Variants in NPAS3 observed in about 807,000 individuals in gnomAD.
NPAS3 encodes neuronal PAS domain protein 3, also known as neuronal PAS domain-containing protein 3.
A neutral mutation model predicts 73.1 loss-of-function variants in NPAS3; 14 were observed. The observed-to-expected ratio is 0.19, with a 90% CI of 0.13 to 0.30. The LOEUF is 0.30. Ranked by LOEUF, NPAS3 falls within the 10% of genes least tolerant of loss-of-function variation. NPAS3 has a pLI of 1.00. For synonymous variants in NPAS3, 620 were observed against 541.5 expected (o/e 1.14, Z -2.01); for missense variants, 1,096 against 1,250.0 (o/e 0.88, Z 1.86).
At chr14:33,382,491 G>T (rs2058676273) in intron 4 of NPAS3, among the ~76,000 whole-genome samples, 1 of 152,124 alleles carries the variant, frequency 6.6e-6, no homozygotes, top group Admixed American at 6.5e-5. Context: ...ATTTTAGAAA[G>T]TATATATAAC....
intron 2 of NPAS3, among the ~76,000 whole-genome samples, chr14:33,147,590 G>GGGGGAGC (rs1455973039): frequency 6.6e-6 from 1 of 151,076 alleles, no homozygotes; most frequent in South Asian, 2.1e-4. Flanking sequence ...TTGTGGGGTC[G>GGGGGAGC]GGGGAGGGAT....
chr14:33,177,217 C>T (rs2045625228), intron 2 of NPAS3, among the ~76,000 whole-genome samples: 1 of 151,584 alleles, frequency 6.6e-6, no homozygotes, highest in Non-Finnish European at 1.5e-5. Flanking sequence ...CTGTCTCAGC[C>T]TCCCAAGTAG....
At chr14:32,995,743 T>C (rs1163733750) in intron 1 of NPAS3, among the ~76,000 whole-genome samples, 2 of 152,232 alleles carry the variant, frequency 1.3e-5, no homozygotes, top group African/African-American at 2.4e-5. Flanking sequence ...TCTATCATGA[T>C]TGTGAGGCTT....
Position 33,630,593 on chromosome 14 carries a change from G to C in NPAS3, c.559-45618G>C, listed in dbSNP as rs186773053. 1.4e-3 allele frequency among the ~76,000 whole-genome samples: 207 copies of C among 152,310 alleles called. 1 individual carries two copies. Among genetic ancestry groups the C allele is most frequent in the Non-Finnish European group, 2.5e-3 (168 of 68,016 alleles). On this transcript the variant is annotated intron_variant, in intron 5 of 11. Transcript: ENST00000356141. ...TATTGGCCAAGAGAGGAAAAAACAG[G>C]TGTTGTTATCAAACCATATCTACAA...
At chr14:33,111,609 T>TA (rs1566571422) in intron 2 of NPAS3, among the ~76,000 whole-genome samples, 1 of 151,778 alleles carries the variant, frequency 6.6e-6, no homozygotes, top group Non-Finnish European at 1.5e-5. Flanking sequence ...TTGCATCATT[T>TA]AAAAAAATAC....
At chr14:33,060,998 A>G (rs1214835823) in intron 2 of NPAS3, among the ~76,000 whole-genome samples, 1 of 152,236 alleles carries the variant, frequency 6.6e-6, no homozygotes, top group African/African-American at 2.4e-5. Context: ...CACAACCAAA[A>G]GAGGGAAGGA....
intron 1 of NPAS3, among the ~76,000 whole-genome samples, chr14:33,017,539 T>C (rs867501920): frequency 6.6e-6 from 1 of 152,182 alleles, no homozygotes; most frequent in Admixed American, 6.5e-5. Context: ...GAGATGCTGC[T>C]TTAATATGGT....
intron 5 of NPAS3, among the ~76,000 whole-genome samples, chr14:33,627,689 G>T (rs1040927193): frequency 1.3e-5 from 2 of 152,128 alleles, no homozygotes; most frequent in Admixed American, 6.5e-5. Flanking sequence ...AAAGATTAGG[G>T]TAAAAACATA....
chr14:33,324,480 A>G (rs1431127417), intron 3 of NPAS3, among the ~76,000 whole-genome samples: 1 of 152,206 alleles, frequency 6.6e-6, no homozygotes, highest in African/African-American at 2.4e-5. Context: ...CCCTTTCAGG[A>G]TTATATACCC....
intron 2 of NPAS3, among the ~76,000 whole-genome samples, chr14:33,122,768 G>C (rs916768819): frequency 3.3e-5 from 5 of 152,056 alleles, no homozygotes; most frequent in Non-Finnish European, 7.4e-5. Flanking sequence ...AGACTGAGAT[G>C]GTTAAGGGGT....
intron 1 of NPAS3, among the ~76,000 whole-genome samples, chr14:33,032,480 A>G (rs1331373537): frequency 6.6e-6 from 1 of 152,174 alleles, no homozygotes; most frequent in Non-Finnish European, 1.5e-5. Flanking sequence ...ACCACAGCAC[A>G]TGTGATTAGT....
At chr14:33,447,088 T>G (rs548346000) in intron 4 of NPAS3, among the ~76,000 whole-genome samples, 1 of 152,342 alleles carries the variant, frequency 6.6e-6, no homozygotes, top group South Asian at 2.1e-4. Context: ...GAGAGAGAGA[T>G]AGACCTGTAA....
intron 4 of NPAS3, among the ~76,000 whole-genome samples, chr14:33,428,846 T>C (rs1450912978): frequency 6.6e-6 from 1 of 152,182 alleles, no homozygotes; most frequent in East Asian, 1.9e-4. Context: ...GTATTTTAAA[T>C]AATTAAAATC....
chr14:33,775,486 A>G (rs184115707), intron 8 of NPAS3, among the ~76,000 whole-genome samples: 2 of 152,164 alleles, frequency 1.3e-5, no homozygotes, highest in Non-Finnish European at 2.9e-5. Context: ...TCCAGAGACT[A>G]ACCAAGAAGA....
chr14:33,184,882 C>T (rs2139464421), intron 2 of NPAS3, among the ~76,000 whole-genome samples: 1 of 152,272 alleles, frequency 6.6e-6, no homozygotes, highest in South Asian at 2.1e-4. Flanking sequence ...GTAACATGAA[C>T]ATAGGGAAGG....
chr14:33,393,561 G>C (rs565170153), intron 4 of NPAS3, among the ~76,000 whole-genome samples: 3 of 152,114 alleles, frequency 2.0e-5, no homozygotes, highest in African/African-American at 4.8e-5. Flanking sequence ...TCCCAAAAAA[G>C]GTCGGGGGAG....
chr14:33,271,302 A>C (rs2140012086), intron 3 of NPAS3, among the ~76,000 whole-genome samples: 1 of 152,288 alleles, frequency 6.6e-6, no homozygotes, highest in East Asian at 1.9e-4. Flanking sequence ...GATAGGTCAG[A>C]GAATTTCTTT....
chr14:33,720,092 A>G (rs1309671706), intron 6 of NPAS3, among the ~76,000 whole-genome samples: 1 of 152,210 alleles, frequency 6.6e-6, no homozygotes, highest in Non-Finnish European at 1.5e-5. Context: ...ATTACCAATA[A>G]AAGAGAAAAA....
At chr14:33,177,083 A>ATTG (rs2045617914) in intron 2 of NPAS3, among the ~76,000 whole-genome samples, 1 of 140,574 alleles carries the variant, frequency 7.1e-6, no homozygotes, top group South Asian at 2.2e-4. Flanking sequence ...TATTATTATT[A>ATTG]TTATTATTAT....
Sources: allele counts gnomAD v4.1 joint callset (sites outside exome capture counted in the v4.1 genomes callset), GRCh38; gene constraint gnomAD v4.1.1; transcripts MANE v1.5; gene names NCBI Gene and HGNC (gene_info 2026-07-23, HGNC 2026-07-21).